Variants in GRID2 observed in about 807,000 individuals in gnomAD.
The protein encoded by GRID2 is glutamate ionotropic receptor delta type subunit 2.
In GRID2, 33 loss-of-function variants were observed where a neutral mutation model predicts 114.8. That is an observed-to-expected ratio of 0.29 (90% CI 0.22 to 0.38). The LOEUF is 0.38. GRID2 is among the 10% of genes least tolerant of loss of function. The probability of loss-of-function intolerance (pLI) is 1.00; values close to 1 mark genes in which losing one functional copy is unlikely to be tolerated. For missense variants in GRID2, 1,184 were observed against 1,257.7 expected (o/e 0.94, Z 0.89); for synonymous variants, 505 against 449.9 (o/e 1.12, Z -1.55).
intron 1 of GRID2, among the ~76,000 whole-genome samples, chr4:92,356,445 T>C (rs962554021): frequency 6.6e-6 from 1 of 151,588 alleles, no homozygotes; most frequent in African/African-American, 2.4e-5. Context: ...TATGCATTCC[T>C]TATATATTAA....
intron 2 of GRID2, among the ~76,000 whole-genome samples, chr4:92,687,712 G>A (rs1353947017): frequency 1.3e-5 from 2 of 151,926 alleles, no homozygotes; most frequent in East Asian, 2.0e-4. Context: ...GCCTATAATC[G>A]CAGCTACTCA....
At chr4:93,758,937 G>T (rs1462323956) in intron 14 of GRID2, among the ~76,000 whole-genome samples, 2 of 151,578 alleles carry the variant, frequency 1.3e-5, no homozygotes, top group Non-Finnish European at 2.9e-5. Flanking sequence ...CATTTTAAAA[G>T]ATCACCAAAA....
intron 13 of GRID2, among the ~76,000 whole-genome samples, chr4:93,560,211 A>G (rs1398014376): frequency 2.2e-5 from 3 of 135,712 alleles, no homozygotes; most frequent in Non-Finnish European, 4.7e-5. Context: ...CATGTATTCC[A>G]GAACTTAAAG....
At chr4:93,045,233 T>G (rs1726017875) in intron 2 of GRID2, among the ~76,000 whole-genome samples, 1 of 152,158 alleles carries the variant, frequency 6.6e-6, no homozygotes, top group African/African-American at 2.4e-5. Context: ...GACAGTAAAC[T>G]CTTGCCTTTT....
At chr4:93,169,675 G>A (rs887274785) in intron 4 of GRID2, among the ~76,000 whole-genome samples, 1 of 152,162 alleles carries the variant, frequency 6.6e-6, no homozygotes, top group African/African-American at 2.4e-5. Flanking sequence ...AGATTGAAGT[G>A]TATAAAACAT....
intron 13 of GRID2, among the ~76,000 whole-genome samples, chr4:93,596,510 G>A (rs921276038): frequency 5.3e-5 from 8 of 152,052 alleles, no homozygotes; most frequent in Non-Finnish European, 2.9e-5. Context: ...CTCGGGAGGC[G>A]GAGCATGCGG....
intron 13 of GRID2, among the ~76,000 whole-genome samples, chr4:93,618,770 C>A (rs1319100744): frequency 6.6e-6 from 1 of 152,170 alleles, no homozygotes; most frequent in Non-Finnish European, 1.5e-5. Flanking sequence ...ACACACCCAG[C>A]CTGAAGGAGA....
chr4:92,490,186 T>C (rs760682835), intron 1 of GRID2, among the ~76,000 whole-genome samples: 2 of 152,178 alleles, frequency 1.3e-5, no homozygotes, highest in Non-Finnish European at 2.9e-5. Flanking sequence ...CTGTATTCAG[T>C]TAAAATTAAT....
intron 14 of GRID2, among the ~76,000 whole-genome samples, chr4:93,684,496 G>C (rs1349538089): frequency 6.6e-6 from 1 of 152,008 alleles, no homozygotes; most frequent in Non-Finnish European, 1.5e-5. Flanking sequence ...ATTTTGTTTT[G>C]AGTTTCTTTT....
intron 2 of GRID2, among the ~76,000 whole-genome samples, chr4:92,953,751 T>G (rs985761909): frequency 1.3e-5 from 2 of 152,248 alleles, no homozygotes; most frequent in African/African-American, 4.8e-5. Context: ...CCATATTTTT[T>G]TATGAACCAA....
intron 13 of GRID2, among the ~76,000 whole-genome samples, chr4:93,529,228 G>A (rs1731216264): frequency 6.6e-6 from 1 of 152,174 alleles, no homozygotes; most frequent in Admixed American, 6.6e-5. Context: ...CACGGAGTCT[G>A]GGGTGGGACC....
intron 1 of GRID2, among the ~76,000 whole-genome samples, chr4:92,572,648 T>C (rs1727686659): frequency 6.6e-6 from 1 of 152,112 alleles, no homozygotes; most frequent in Non-Finnish European, 1.5e-5. Flanking sequence ...TGGAGATTTG[T>C]GTATGTTGAA....
At chr4:93,293,770 C>T (rs144405800) in intron 8 of GRID2, among the ~76,000 whole-genome samples, 50 of 152,268 alleles carry the variant, frequency 3.3e-4, no homozygotes, top group African/African-American at 1.1e-3. Flanking sequence ...TATGGATCCA[C>T]CCAATCATAA....
chr4:92,488,923 G>A (rs1403618770), intron 1 of GRID2, among the ~76,000 whole-genome samples: 1 of 152,136 alleles, frequency 6.6e-6, no homozygotes, highest in Non-Finnish European at 1.5e-5. Context: ...GTCTGAAACT[G>A]CGACTACAGT....
At chr4:92,967,697 C>T (rs1753245284) in intron 2 of GRID2, among the ~76,000 whole-genome samples, 1 of 151,814 alleles carries the variant, frequency 6.6e-6, no homozygotes, top group African/African-American at 2.4e-5. Context: ...GATGAGCTGT[C>T]TTTCAATTTC....
intron 14 of GRID2, among the ~76,000 whole-genome samples, chr4:93,752,938 G>A (rs943959494): frequency 5.9e-5 from 9 of 152,220 alleles, no homozygotes; most frequent in East Asian, 3.9e-4. Flanking sequence ...CTTTGGAACC[G>A]TTAGTTTTCT....
At chr4:92,793,572 T>G (rs1414451057) in intron 2 of GRID2, among the ~76,000 whole-genome samples, 1 of 151,684 alleles carries the variant, frequency 6.6e-6, no homozygotes, top group African/African-American at 2.4e-5. Context: ...AAGAAAATAG[T>G]TGAAGTAGGA....
intron 11 of GRID2, among the ~76,000 whole-genome samples, chr4:93,479,639 G>C (rs1412608989): frequency 6.6e-6 from 1 of 152,114 alleles, no homozygotes; most frequent in Non-Finnish European, 1.5e-5. Context: ...GAAAACCAGG[G>C]ATCCTGATGT....
intron 1 of GRID2, among the ~76,000 whole-genome samples, chr4:92,321,488 A>G (rs894393945): frequency 4.6e-5 from 7 of 152,156 alleles, no homozygotes; most frequent in Admixed American, 2.0e-4. Flanking sequence ...TGTTTTTTCT[A>G]ATATGTAAAG....
Sources: allele counts gnomAD v4.1 joint callset (sites outside exome capture counted in the v4.1 genomes callset), GRCh38; gene constraint gnomAD v4.1.1; transcripts MANE v1.5; gene names NCBI Gene and HGNC (gene_info 2026-07-23, HGNC 2026-07-21).